TADA2A: variants seen among roughly 807,000 people sequenced by gnomAD.
The protein encoded by TADA2A is transcriptional adapter 2-alpha.
Under a neutral mutation model 67.4 loss-of-function variants are expected in TADA2A, and 38 were observed. The ratio of observed to expected loss-of-function variants is 0.56; its 90% CI spans 0.44 to 0.74. The LOEUF (loss-of-function observed/expected upper bound fraction) is 0.74, where lower values mean the gene tolerates loss of function less well. Ranked by LOEUF, TADA2A falls within the 30% of genes least tolerant of loss-of-function variation. TADA2A has a pLI of 0.00. For synonymous variants in TADA2A, 192 were observed against 181.6 expected (o/e 1.06, Z -0.46); for missense variants, 454 against 547.0 (o/e 0.83, Z 1.70).
intron 8 of TADA2A, among the ~76,000 whole-genome samples, chr17:37,447,241 A>T (rs189303471): frequency 6.6e-6 from 1 of 152,270 alleles, no homozygotes; most frequent in Admixed American, 6.5e-5. Context: ...GGCTCACTGC[A>T]ACTTCTGCCT....
intron 4 of TADA2A, among the ~76,000 whole-genome samples, chr17:37,437,268 T>G (rs2052758095): frequency 6.6e-6 from 1 of 151,638 alleles, no homozygotes; most frequent in African/African-American, 2.4e-5. Context: ...ATTTTTTATA[T>G]TTTTAGTAGA....
At chr17:37,468,942 G>A (rs996585857) in intron 12 of TADA2A, among the ~76,000 whole-genome samples, 11 of 151,082 alleles carry the variant, frequency 7.3e-5, no homozygotes, top group South Asian at 2.1e-4. Flanking sequence ...GCTCTGTTGC[G>A]CAGGCTGGAG....
intron 12 of TADA2A, among the ~76,000 whole-genome samples, chr17:37,468,081 CAAAA>C (rs5820219): frequency 7.6e-6 from 1 of 131,584 alleles, no homozygotes; most frequent in Non-Finnish European, 1.6e-5. Flanking sequence ...GATTCTGTTT[CAAAA>C]AAAAAAAAAA....
Position 37,470,450 on chromosome 17 carries a change from A to C in TADA2A, c.946A>C (p.Lys316Gln), listed in dbSNP as rs142392695. ...LKKTREEERL[K>Q]RTMLSEVLQY... ...GAAGACACGGGAGGAAGAGCGCCTT[A>C]AACGCACTATGCTCTCAGAAGTTCT... The change falls in exon 13 of 16, where the codon AAA (lysine) becomes CAA (glutamine). Residue 316 changes from lysine to glutamine, a missense_variant. By Grantham distance (53) the Lys-to-Gln change is moderately conservative (BLOSUM62 1). Transcript: ENST00000615182. 903 of 1,612,608 alleles carry C rather than the reference A, an allele frequency of 5.6e-4. 4 individuals carry two copies. The African/African-American group carries it at 0.011, about 20-fold the overall frequency.
Position 37,453,662 on chromosome 17 carries a change from G to C in TADA2A, c.605-4862G>C, listed in dbSNP as rs565828213. On this transcript the variant is annotated intron_variant, in intron 8 of 15. Transcript: ENST00000615182. ...TGGAACTTGGATCTCACATTCTTTG[G>C]ATGAGGAATGAGATTGTATTACTCT... Among the ~76,000 whole-genome samples the C allele has an allele frequency of 2.0e-5, 3 of 151,968 alleles. No homozygotes were observed. The South Asian group carries it at 6.2e-4, about 32-fold the overall frequency.
At chr17:37,415,040 C>A (rs1259372621) in intron 2 of TADA2A, among the ~76,000 whole-genome samples, 3 of 152,044 alleles carry the variant, frequency 2.0e-5, no homozygotes, top group African/African-American at 7.2e-5. Flanking sequence ...TTACAGGTGT[C>A]TGCCACCACA....
chr17:37,442,803 G>A, intron 7 of TADA2A, 151 bp downstream of exon 7: 1 of 614,974 alleles, frequency 1.6e-6, no homozygotes, highest in Non-Finnish European at 2.7e-6. Context: ...CATTTTCTTA[G>A]GTTTGAGTGC....
chr17:37,434,044 A>C (rs531909178), intron 4 of TADA2A, among the ~76,000 whole-genome samples: 1 of 152,322 alleles, frequency 6.6e-6, no homozygotes, highest in South Asian at 2.1e-4. Context: ...GATTTTCCAC[A>C]AATGTCCTTT....
Position 37,421,738 on chromosome 17 carries a change from G to A in TADA2A, c.26-1771G>A. On this transcript the variant is annotated intron_variant, in intron 2 of 15. Coordinates refer to ENST00000615182, the MANE Select transcript of TADA2A (RefSeq NM_001166105.3). ...GCCTGGGAGGTTGAGGCTGCATTGA[G>A]GCATGATCGTGCAACCACACTTCAG... 1.4e-5 allele frequency among the ~76,000 whole-genome samples: 2 copies of A among 146,794 alleles called. 1 individual carries two copies. Among genetic ancestry groups the A allele is most frequent in the Non-Finnish European group, 3.0e-5 (2 of 65,808 alleles).
chr17:37,421,331 C>T (rs1446370834), intron 2 of TADA2A, among the ~76,000 whole-genome samples: 1 of 145,854 alleles, frequency 6.9e-6, no homozygotes, highest in Non-Finnish European at 1.5e-5. Flanking sequence ...GAGCCATGAT[C>T]TCACCACTGC....
rs2053457692 is a variant in TADA2A, at chr17:37,458,534, G to A, written c.615G>A (p.Met205Ile). 6.2e-7 allele frequency: 1 copy of A among 1,612,138 alleles called. No homozygotes were observed. ...TGAATTTATTTGTAGCTCTGAAGATGGCTGTGGTAGATATCTATCATTCCA... is the reference window on the plus strand; with the variant it reads ...TGAATTTATTTGTAGCTCTGAAGATAGCTGTGGTAGATATCTATCATTCCA... ...DDSDILHALK[M>I]AVVDIYHSRL... The change falls in exon 9 of 16, where the codon ATG (methionine) becomes ATA (isoleucine). Residue 205 changes from methionine (M) to isoleucine (I), a missense_variant. Coordinates refer to ENST00000615182, the MANE Select transcript of TADA2A (RefSeq NM_001166105.3).
intron 4 of TADA2A, among the ~76,000 whole-genome samples, chr17:37,428,753 A>T (rs1172832122): frequency 2.0e-5 from 3 of 152,044 alleles, no homozygotes; most frequent in African/African-American, 4.8e-5. Flanking sequence ...TAATTTAAAA[A>T]TTTTTTTTGT....
intron 8 of TADA2A, among the ~76,000 whole-genome samples, chr17:37,449,120 A>G (rs1334644020): frequency 5.3e-5 from 8 of 151,878 alleles, no homozygotes. Context: ...TCCTGGGTTC[A>G]CGCCATTCTC....
Position 37,462,128 on chromosome 17 carries a change from A to G in TADA2A, c.712+7A>G, listed in dbSNP as rs2148024392. ...AACCTTAGAAAGTTTCAATGTAAGT[A>G]TTAGCAGTTTTCTTTATTTTACAAT... On this transcript the variant is annotated splice_region_variant and intron_variant, in intron 10 of 15. Transcript: ENST00000615182. 1 of 1,527,876 alleles carries G rather than the reference A, an allele frequency of 6.5e-7. No homozygotes were observed. The highest frequency in any genetic ancestry group is 2.3e-5 in the East Asian group (1 of 44,114). The allele number at this position is 1,527,876 out of a possible 1,614,324, so 94.6% of individuals were successfully genotyped here.
intron 8 of TADA2A, among the ~76,000 whole-genome samples, chr17:37,456,979 A>G (rs181135410): frequency 1.3e-5 from 2 of 152,146 alleles, no homozygotes. Context: ...CAGGAAACCA[A>G]GCAGGGCTTT....
intron 4 of TADA2A, among the ~76,000 whole-genome samples, chr17:37,432,172 TTA>T (rs2052588435): frequency 1.4e-5 from 2 of 140,746 alleles, no homozygotes; most frequent in African/African-American, 5.2e-5. Flanking sequence ...ATTTATTTAT[TTA>T]TTTTTTTTTT....
chr17:37,471,519 A>AT (rs1253533488), intron 14 of TADA2A, among the ~76,000 whole-genome samples: 9 of 151,932 alleles, frequency 5.9e-5, no homozygotes, highest in Non-Finnish European at 1.3e-4. Context: ...TTATTTACTT[A>AT]TTTTTTGAGA....
chr17:37,420,947 A>G (rs909326408), intron 2 of TADA2A, among the ~76,000 whole-genome samples: 3 of 146,998 alleles, frequency 2.0e-5, no homozygotes, highest in Non-Finnish European at 3.0e-5. Context: ...TGGGGCAACC[A>G]GGGACACATA....
intron 12 of TADA2A, among the ~76,000 whole-genome samples, chr17:37,468,000 T>A (rs2053703752): frequency 6.6e-6 from 1 of 152,012 alleles, no homozygotes; most frequent in African/African-American, 2.4e-5. Context: ...AAGAATCGCT[T>A]GAACCTGAGA....
Sources: gnomAD v4.1 joint callset for allele counts (sites outside exome capture counted in the v4.1 genomes callset) on GRCh38, gnomAD v4.1.1 for gene constraint, MANE v1.5 for transcripts, NCBI Gene and HGNC (gene_info 2026-07-23, HGNC 2026-07-21) for gene names.